TMEM150C: variants seen among roughly 807,000 people sequenced by gnomAD.
TMEM150C encodes the protein tentonin 3.
In TMEM150C, 10 loss-of-function variants were observed where a neutral mutation model predicts 29.9. That is an observed-to-expected ratio of 0.33 (90% CI 0.21 to 0.57). The LOEUF (loss-of-function observed/expected upper bound fraction) is 0.57. Among genes scored for constraint, TMEM150C ranks in the 20% least tolerant of loss-of-function variants. The pLI is 0.88. For missense variants in TMEM150C, 251 were observed against 303.6 expected, an observed-to-expected ratio of 0.83 and a Z score of 1.29; for synonymous variants, 101 against 112.5, an observed-to-expected ratio of 0.90 and a Z score of 0.64.
At chr4:82,507,746 T>G (rs1723985339) in intron 1 of TMEM150C, among the ~76,000 whole-genome samples, 1 of 112,092 alleles carries the variant, frequency 8.9e-6, no homozygotes, top group African/African-American at 3.7e-5. Context: ...TTTTTTTTTT[T>G]TTTTTTTTTT....
At chr4:82,505,520 TAC>T in intron 1 of TMEM150C, among the ~76,000 whole-genome samples, 1 of 152,354 alleles carries the variant, frequency 6.6e-6, no homozygotes, top group Middle Eastern at 3.4e-3. Flanking sequence ...AGCTGATCTG[TAC>T]ATAAATCTAT....
intron 2 of TMEM150C, 24 bp from the exon 3 acceptor site, chr4:82,503,136 A>G (rs1442047335): frequency 6.6e-7 from 1 of 1,514,214 alleles, no homozygotes; most frequent in Middle Eastern, 2.3e-4. Flanking sequence ...ATAAGTTTAT[A>G]GAACAAAGAA....
intron 6 of TMEM150C, among the ~76,000 whole-genome samples, chr4:82,492,671 T>C (rs1350629248): frequency 1.3e-5 from 2 of 151,256 alleles, no homozygotes; most frequent in African/African-American, 4.9e-5. Context: ...TAAAACTCTT[T>C]TTGTATTTTC....
At chr4:82,531,022 C>T (rs1173553489) in intron 1 of TMEM150C, among the ~76,000 whole-genome samples, 1 of 152,192 alleles carries the variant, frequency 6.6e-6, no homozygotes, top group Non-Finnish European at 1.5e-5. Context: ...CAGGCCTCAC[C>T]TCCAACACTG....
At chr4:82,495,178 C>G (rs1356595574) in intron 6 of TMEM150C, 1 of 368,452 alleles carries the variant, frequency 2.7e-6, no homozygotes, top group Non-Finnish European at 5.0e-6. Context: ...CGCGGTGGCT[C>G]AGGCCTGTAA....
intron 7 of TMEM150C, among the ~76,000 whole-genome samples, chr4:82,489,809 G>A (rs1723273565): frequency 6.6e-6 from 1 of 152,148 alleles, no homozygotes; most frequent in South Asian, 2.1e-4. Context: ...TTAGTGAAAT[G>A]AGAATGTATG....
At chr4:82,558,742 G>A (rs1196804007) in intron 1 of TMEM150C, among the ~76,000 whole-genome samples, 1 of 151,966 alleles carries the variant, frequency 6.6e-6, no homozygotes, top group Non-Finnish European at 1.5e-5. Context: ...AAAATATAAA[G>A]CTACATGGCA....
intron 4 of TMEM150C, 27 bp from the exon 5 acceptor site, chr4:82,502,821 T>C: frequency 1.9e-6 from 3 of 1,589,804 alleles, no homozygotes; most frequent in Non-Finnish European, 2.6e-6. Context: ...TGTTTTATAG[T>C]TACTATATCA....
chr4:82,493,080 A>T (rs1015018481), intron 6 of TMEM150C, among the ~76,000 whole-genome samples: 1 of 151,362 alleles, frequency 6.6e-6, no homozygotes, highest in African/African-American at 2.4e-5. Flanking sequence ...TTTTAAACCC[A>T]TTGTGAAAGT....
At chr4:82,561,268 G>A (rs1167760859) in intron 1 of TMEM150C, among the ~76,000 whole-genome samples, 3 of 152,166 alleles carry the variant, frequency 2.0e-5, no homozygotes, top group Non-Finnish European at 4.4e-5. Context: ...CACCTACCAC[G>A]GCCTCCCGCC....
chr4:82,562,086 C>G (rs1334129698), upstream of TMEM150C: 9 of 1,185,780 alleles, frequency 7.6e-6, no homozygotes, highest in Non-Finnish European at 7.4e-6. Context: ...CTGGGGTCCC[C>G]GCTGCTAGGC....
At chr4:82,558,667 A>G (rs2110096199) in intron 1 of TMEM150C, among the ~76,000 whole-genome samples, 1 of 152,360 alleles carries the variant, frequency 6.6e-6, no homozygotes, top group Non-Finnish European at 1.5e-5. Context: ...ATATTTGGTG[A>G]TAACAATAAC....
At chr4:82,486,071 C>A (rs1290516643) in intron 7 of TMEM150C, among the ~76,000 whole-genome samples, 1 of 151,718 alleles carries the variant, frequency 6.6e-6, no homozygotes, top group Non-Finnish European at 1.5e-5. Context: ...AAACTGAGAC[C>A]AAATGGGTAA....
intron 1 of TMEM150C, among the ~76,000 whole-genome samples, chr4:82,521,057 G>A (rs542894470): frequency 1.3e-5 from 2 of 152,154 alleles, no homozygotes; most frequent in African/African-American, 2.4e-5. Context: ...ACTGTCCCCT[G>A]TCCCGCCAGA....
intron 1 of TMEM150C, among the ~76,000 whole-genome samples, chr4:82,534,817 C>T (rs114167050): frequency 6.6e-4 from 100 of 152,230 alleles, no homozygotes; most frequent in Non-Finnish European, 1.3e-3. Flanking sequence ...CCCAACTTCA[C>T]CTAGAATGAG....
intron 1 of TMEM150C, among the ~76,000 whole-genome samples, chr4:82,530,844 C>T (rs540442809): frequency 1.8e-4 from 28 of 152,128 alleles, no homozygotes; most frequent in Admixed American, 5.9e-4. Flanking sequence ...TGGTGGAAGG[C>T]GAAGGGGAAG....
chr4:82,498,192 T>G (rs1178753742), intron 5 of TMEM150C, among the ~76,000 whole-genome samples: 2 of 151,300 alleles, frequency 1.3e-5, no homozygotes, highest in African/African-American at 4.9e-5. Flanking sequence ...TTTTTGTATT[T>G]TTAGTAGAGA....
At chr4:82,544,367 G>C (rs550738407) in intron 1 of TMEM150C, among the ~76,000 whole-genome samples, 2 of 152,322 alleles carry the variant, frequency 1.3e-5, no homozygotes, top group East Asian at 3.9e-4. Flanking sequence ...CAGGGAACTA[G>C]CAGGGTTATT....
At chr4:82,514,220 G>A (rs72895705) in intron 1 of TMEM150C, among the ~76,000 whole-genome samples, 11,066 of 152,302 alleles carry the variant, frequency 0.073, 470 homozygotes, top group African/African-American at 0.11. Context: ...CCGGGGCAAG[G>A]GGCCTTCCCA....
Sources: gnomAD v4.1 joint callset for allele counts (sites outside exome capture counted in the v4.1 genomes callset) on GRCh38, gnomAD v4.1.1 for gene constraint, MANE v1.5 for transcripts, NCBI Gene and HGNC (gene_info 2026-07-23, HGNC 2026-07-21) for gene names.